The following CPNE4 variants were observed in gnomAD, a reference collection of about 807,000 sequenced individuals.
CPNE4 encodes the protein copine 4.
CPNE4 carries 25 observed loss-of-function variants against 67.9 expected under a neutral mutation model. The ratio of observed to expected loss-of-function variants is 0.37; its 90% CI spans 0.27 to 0.51. The LOEUF is 0.51. CPNE4 is among the 20% of genes least tolerant of loss of function. The probability of loss-of-function intolerance (pLI) is 0.93; values close to 1 mark genes in which losing one functional copy is unlikely to be tolerated. For synonymous variants in CPNE4, 242 were observed against 244.9 expected (o/e 0.99, Z 0.11); for missense variants, 464 against 690.8 (o/e 0.67, Z 3.68).
Position 131,992,321 on chromosome 3 carries a change from AT to A in CPNE4, c.-2+42245del, listed in dbSNP as rs959963465. Among the ~76,000 whole-genome samples the A allele has an allele frequency of 2.2e-4, 30 of 137,106 alleles. 2 individuals are homozygous for A. The highest frequency in any genetic ancestry group is 7.1e-4 in the African/African-American group (29 of 40,920). The allele number at this position is 137,106 out of a possible 152,430, so 89.9% of individuals were successfully genotyped here. A position where few individuals can be genotyped will look rare whatever the true frequency, so the allele number is the denominator to read the frequency against. ...AAGGCTGTGGGAGCCCACCTCTTCCATTAGTATGACCTGGGTGTGAGACATG... is the reference window on the plus strand; with the variant it reads ...AAGGCTGTGGGAGCCCACCTCTTCCATAGTATGACCTGGGTGTGAGACATG... On this transcript the variant is annotated intron_variant, in intron 1 of 15. Coordinates refer to ENST00000429747, the MANE Select transcript of CPNE4 (RefSeq NM_130808.3).
At chr3:131,708,957 G>GATAGATATAT (rs1553757019) in intron 3 of CPNE4, among the ~76,000 whole-genome samples, 2 of 65,800 alleles carry the variant, frequency 3.0e-5, no homozygotes, top group South Asian at 6.4e-4. Flanking sequence ...AGGGCATAAA[G>GATAGATATAT]ATATATATAT....
chr3:131,873,282 A>T (rs1276250114), intron 2 of CPNE4, among the ~76,000 whole-genome samples: 1 of 152,126 alleles, frequency 6.6e-6, no homozygotes, highest in Non-Finnish European at 1.5e-5. Context: ...CTAGTGAATG[A>T]TTCTTTATAT....
At chr3:131,933,237 T>C (rs1050253129) in intron 1 of CPNE4, among the ~76,000 whole-genome samples, 5 of 151,822 alleles carry the variant, frequency 3.3e-5, no homozygotes, top group Non-Finnish European at 7.4e-5. Context: ...AAGGATGGAA[T>C]AGAAGAGAAT....
At chr3:131,882,191 T>C (rs928544517) in intron 2 of CPNE4, among the ~76,000 whole-genome samples, 1 of 151,858 alleles carries the variant, frequency 6.6e-6, no homozygotes, top group Non-Finnish European at 1.5e-5. Flanking sequence ...AACTCACACA[T>C]ACTGTATAAT....
At chr3:131,577,118 TC>T (rs1464776279) in intron 9 of CPNE4, among the ~76,000 whole-genome samples, 1 of 152,064 alleles carries the variant, frequency 6.6e-6, no homozygotes, top group Non-Finnish European at 1.5e-5. Flanking sequence ...TAAGACATTA[TC>T]CCCTAGTCCC....
At chr3:131,903,061 G>C (rs1380881951) in intron 2 of CPNE4, among the ~76,000 whole-genome samples, 1 of 152,024 alleles carries the variant, frequency 6.6e-6, no homozygotes, top group Non-Finnish European at 1.5e-5. Context: ...TCAGAGAAGT[G>C]GCTGATATCA....
At chr3:131,687,953 C>CTA in intron 5 of CPNE4, among the ~76,000 whole-genome samples, 1 of 152,276 alleles carries the variant, frequency 6.6e-6, no homozygotes, top group African/African-American at 2.4e-5. Context: ...TTTAATAAGA[C>CTA]TATAGCCTAG....
chr3:131,836,042 C>T (rs539480336), intron 2 of CPNE4, among the ~76,000 whole-genome samples: 2 of 152,300 alleles, frequency 1.3e-5, no homozygotes, highest in East Asian at 3.9e-4. Context: ...CCACAATCAA[C>T]ACAGCAAAAA....
chr3:131,653,827 A>G (rs1320137089), intron 7 of CPNE4, among the ~76,000 whole-genome samples: 1 of 152,182 alleles, frequency 6.6e-6, no homozygotes, highest in East Asian at 1.9e-4. Flanking sequence ...TGGCCTTTCT[A>G]TTATGTTTAT....
chr3:131,946,315 C>T (rs963052638), intron 1 of CPNE4, among the ~76,000 whole-genome samples: 2 of 152,150 alleles, frequency 1.3e-5, no homozygotes, highest in Non-Finnish European at 2.9e-5. Flanking sequence ...TAGCATAATA[C>T]TTTAAAGGTT....
intron 2 of CPNE4, among the ~76,000 whole-genome samples, chr3:131,762,573 A>G (rs908976869): frequency 2.0e-5 from 3 of 152,014 alleles, no homozygotes; most frequent in African/African-American, 7.2e-5. Flanking sequence ...TGAATGTGAG[A>G]GAAAAAAAAC....
chr3:131,564,116 G>T, intron 11 of CPNE4, 100 bp downstream of exon 11: 2 of 1,375,662 alleles, frequency 1.5e-6, no homozygotes, highest in Non-Finnish European at 2.1e-6. Flanking sequence ...TACATAAGGA[G>T]CTACTAGACT....
At chr3:131,582,792 G>C (rs1937923809) in intron 8 of CPNE4, among the ~76,000 whole-genome samples, 1 of 152,160 alleles carries the variant, frequency 6.6e-6, no homozygotes, top group Non-Finnish European at 1.5e-5. Context: ...GAGGATAAAA[G>C]TATACCTGGA....
intron 1 of CPNE4, among the ~76,000 whole-genome samples, chr3:131,963,386 A>T (rs1163983577): frequency 6.6e-6 from 1 of 151,726 alleles, no homozygotes; most frequent in Non-Finnish European, 1.5e-5. Flanking sequence ...CCCCAGCGAG[A>T]CAGAACCGTT....
chr3:131,803,182 C>G (rs1460081740), intron 2 of CPNE4, among the ~76,000 whole-genome samples: 1 of 152,172 alleles, frequency 6.6e-6, no homozygotes. Context: ...TGGAATTCGA[C>G]AAATTACATA....
intron 7 of CPNE4, among the ~76,000 whole-genome samples, chr3:131,629,953 A>AC (rs78338957): frequency 0.28 from 41,860 of 150,996 alleles, 9,482 homozygotes; most frequent in African/African-American, 0.63. Flanking sequence ...CCTCTCCCTT[A>AC]CTCTCAAAAT....
intron 2 of CPNE4, among the ~76,000 whole-genome samples, chr3:131,770,284 AC>A (rs1190538584): frequency 6.6e-6 from 1 of 152,186 alleles, no homozygotes; most frequent in Non-Finnish European, 1.5e-5. Context: ...GGAGACAGAC[AC>A]CCCTTCTGAG....
intron 8 of CPNE4, among the ~76,000 whole-genome samples, chr3:131,583,019 A>T (rs1559936677): frequency 6.6e-6 from 1 of 152,182 alleles, no homozygotes; most frequent in Non-Finnish European, 1.5e-5. Flanking sequence ...TCATCACTGG[A>T]AGGTGCCAGC....
chr3:131,977,137 T>C (rs1027696824), intron 1 of CPNE4, among the ~76,000 whole-genome samples: 9 of 152,118 alleles, frequency 5.9e-5, no homozygotes, highest in Non-Finnish European at 1.2e-4. Flanking sequence ...TAAGTAAAAC[T>C]TCCTCATTCT....
Sources: allele counts gnomAD v4.1 joint callset (sites outside exome capture counted in the v4.1 genomes callset), GRCh38; gene constraint gnomAD v4.1.1; transcripts MANE v1.5; gene names NCBI Gene and HGNC (gene_info 2026-07-23, HGNC 2026-07-21).